Variants in PLEKHA7 observed in about 807,000 individuals in gnomAD.
The protein encoded by PLEKHA7 is pleckstrin homology domain containing A7, also known as pleckstrin homology domain-containing family A member 7.
Under a neutral mutation model 170.0 loss-of-function variants are expected in PLEKHA7, and 104 were observed. The observed-to-expected ratio is 0.61, with a 90% CI of 0.52 to 0.72. The LOEUF (loss-of-function observed/expected upper bound fraction) is 0.72. PLEKHA7 is among the 30% of genes least tolerant of loss of function. The pLI, the probability that PLEKHA7 is intolerant of heterozygous loss-of-function variation, is 0.00. For missense variants in PLEKHA7, 1,615 were observed against 1,671.7 expected (o/e 0.97, Z 0.59); for synonymous variants, 648 against 660.8 (o/e 0.98, Z 0.30).
rs994799627 is a variant in PLEKHA7 at position 16,801,823 on chromosome 11, C to A, written c.2158-6G>T. ...AGCACAGATTCTAGCTGGTCCTGCA[C>A]CACGAAGGGCCAAAAAACAGCAGGA... On this transcript the variant is annotated splice_polypyrimidine_tract_variant and splice_region_variant and intron_variant, in intron 15 of 26. Transcript: ENST00000531066. 1 of 1,613,768 alleles carries A rather than the reference C, an allele frequency of 6.2e-7. No individual in the cohort carries two copies. The highest frequency in any genetic ancestry group is 8.5e-7 in the Non-Finnish European group (1 of 1,180,002).
At chr11:16,846,281 TGGAAAGCAAAAA>T (rs1309132918) in intron 8 of PLEKHA7, among the ~76,000 whole-genome samples, 1 of 150,340 alleles carries the variant, frequency 6.7e-6, no homozygotes, top group South Asian at 2.1e-4. Flanking sequence ...CAAGACTCCA[TGGAAAGCAAAAA>T]GGAAAGAAAA....
chr11:16,839,101 C>A (rs532896077), intron 9 of PLEKHA7, among the ~76,000 whole-genome samples: 1 of 152,008 alleles, frequency 6.6e-6, no homozygotes, highest in Non-Finnish European at 1.5e-5. Context: ...AAGGTTAATA[C>A]AAAAATTTTA....
At chr11:16,975,504 T>C (rs1004237711) in intron 3 of PLEKHA7, among the ~76,000 whole-genome samples, 5 of 152,084 alleles carry the variant, frequency 3.3e-5, no homozygotes, top group Non-Finnish European at 2.9e-5. Flanking sequence ...TATCCATGGG[T>C]TCCATGTCAG....
At chr11:16,824,550 T>C (rs1850486125) in intron 10 of PLEKHA7, among the ~76,000 whole-genome samples, 1 of 152,216 alleles carries the variant, frequency 6.6e-6, no homozygotes, top group Non-Finnish European at 1.5e-5. Flanking sequence ...CTAGACATCA[T>C]CCTTGTTGTT....
At chr11:16,820,727 G>C (rs1380441510) in intron 10 of PLEKHA7, among the ~76,000 whole-genome samples, 2 of 152,180 alleles carry the variant, frequency 1.3e-5, no homozygotes, top group Non-Finnish European at 2.9e-5. Flanking sequence ...CCTGCCTACA[G>C]TGCCTGGAAG....
intron 3 of PLEKHA7, among the ~76,000 whole-genome samples, chr11:17,002,234 G>A (rs1025610250): frequency 1.3e-5 from 2 of 152,184 alleles, no homozygotes; most frequent in Non-Finnish European, 2.9e-5. Flanking sequence ...ACCCTAGAGG[G>A]AGGAATCAGT....
At chr11:16,833,868 G>A (rs1475235271) in intron 9 of PLEKHA7, among the ~76,000 whole-genome samples, 1 of 152,124 alleles carries the variant, frequency 6.6e-6, no homozygotes, top group Non-Finnish European at 1.5e-5. Flanking sequence ...CACAGAGCTA[G>A]AGACATTTTT....
intron 26 of PLEKHA7, among the ~76,000 whole-genome samples, chr11:16,779,411 A>G (rs953747387): frequency 7.2e-5 from 11 of 152,360 alleles, no homozygotes; most frequent in African/African-American, 2.6e-4. Flanking sequence ...TTTGAGAGTA[A>G]GAAGAAATGC....
chr11:16,959,136 C>A (rs868380541), intron 3 of PLEKHA7, among the ~76,000 whole-genome samples: 1 of 152,074 alleles, frequency 6.6e-6, no homozygotes, highest in African/African-American at 2.4e-5. Flanking sequence ...GTGTTACATA[C>A]GTAAACACAT....
At chr11:16,862,668 CTG>C (rs1854058408) in intron 4 of PLEKHA7, among the ~76,000 whole-genome samples, 1 of 152,208 alleles carries the variant, frequency 6.6e-6, no homozygotes, top group Non-Finnish European at 1.5e-5. Context: ...GTGGCAATGA[CTG>C]CATCCCCAGT....
At chr11:16,992,148 CTG>C (rs1273485695) in intron 3 of PLEKHA7, among the ~76,000 whole-genome samples, 1 of 152,146 alleles carries the variant, frequency 6.6e-6, no homozygotes, top group Non-Finnish European at 1.5e-5. Flanking sequence ...CTACGTGACT[CTG>C]TGTGGGAAGG....
rs1333390805 is a variant in PLEKHA7, at chr11:16,800,977, GA to G, written c.2405del (p.Phe802SerfsTer21). The G allele has an allele frequency of 1.9e-6, 3 of 1,612,344 alleles. No individual in the cohort carries two copies. The highest frequency in any genetic ancestry group is 2.5e-6 in the Non-Finnish European group (3 of 1,178,644). On this transcript the variant is annotated frameshift_variant, in exon 17 of 27. Transcript: ENST00000531066. LOFTEE classifies it high-confidence loss of function. ...LQEQHRRAFF[F>X]QEKSQIQKDL... is the part of the protein sequence containing the mutation. ...AGATGGACAGGTATCAGGTCACCTG[GA>G]AAAAAAAGGCTCTTCTGTGTTGCTC...
At chr11:16,808,456 G>A (rs896371277) in intron 13 of PLEKHA7, among the ~76,000 whole-genome samples, 1 of 152,146 alleles carries the variant, frequency 6.6e-6, no homozygotes, top group African/African-American at 2.4e-5. Context: ...CTTTTATCAA[G>A]CTCCCAGGTG....
intron 7 of PLEKHA7, among the ~76,000 whole-genome samples, chr11:16,851,747 C>A (rs964311293): frequency 6.6e-6 from 1 of 152,102 alleles, no homozygotes; most frequent in Non-Finnish European, 1.5e-5. Context: ...CAGTGCCCAG[C>A]CAGCTCTACC....
At chr11:16,801,886 C>T in intron 15 of PLEKHA7, 69 bp from the exon 16 acceptor site, 3 of 1,589,866 alleles carry the variant, frequency 1.9e-6, no homozygotes, top group Non-Finnish European at 2.6e-6. Context: ...CATACCACAC[C>T]AGGAACCAAA....
At chr11:16,806,348 AGT>A (rs1311137534) in intron 13 of PLEKHA7, among the ~76,000 whole-genome samples, 1 of 152,244 alleles carries the variant, frequency 6.6e-6, no homozygotes, top group Admixed American at 6.5e-5. Context: ...TCCTTTTAAA[AGT>A]GTGTTTGTTA....
intron 13 of PLEKHA7, among the ~76,000 whole-genome samples, chr11:16,808,314 G>C (rs1415898430): frequency 2.0e-5 from 3 of 152,202 alleles, no homozygotes; most frequent in Non-Finnish European, 4.4e-5. Flanking sequence ...TTCATAGCCA[G>C]GGTTAATAAT....
At chr11:16,833,253 G>C (rs996979812) in intron 9 of PLEKHA7, among the ~76,000 whole-genome samples, 4 of 152,116 alleles carry the variant, frequency 2.6e-5, no homozygotes, top group Non-Finnish European at 4.4e-5. Flanking sequence ...AGAGAAGAGC[G>C]AGGCTGCAGA....
chr11:16,840,402 T>C (rs1037044307), intron 9 of PLEKHA7, among the ~76,000 whole-genome samples: 2 of 151,782 alleles, frequency 1.3e-5, no homozygotes, highest in Non-Finnish European at 2.9e-5. Context: ...CTCTACTAAA[T>C]ACAAAAAATT....
Sources: allele counts gnomAD v4.1 joint callset (sites outside exome capture counted in the v4.1 genomes callset), GRCh38; gene constraint gnomAD v4.1.1; transcripts MANE v1.5; gene names NCBI Gene and HGNC (gene_info 2026-07-23, HGNC 2026-07-21).